The following MYT1L variants were observed in gnomAD, a reference collection of about 807,000 sequenced individuals.
MYT1L encodes myelin transcription factor 1-like protein.
In MYT1L, 12 loss-of-function variants were observed where a neutral mutation model predicts 126.7. That is an observed-to-expected ratio of 0.09 (90% confidence interval 0.06 to 0.15). MYT1L has a LOEUF of 0.15. MYT1L is among the 10% of genes least tolerant of loss of function. The pLI is 1.00. For missense variants in MYT1L, 979 were observed against 1,585.2 expected, an observed-to-expected ratio of 0.62 and a Z score of 6.49; for synonymous variants, 541 against 604.2, an observed-to-expected ratio of 0.90 and a Z score of 1.53.
intron 3 of MYT1L, among the ~76,000 whole-genome samples, chr2:2,128,020 C>T (rs1372269433): frequency 2.0e-5 from 3 of 152,174 alleles, no homozygotes; most frequent in African/African-American, 7.2e-5. Flanking sequence ...TGTGAAATTA[C>T]TTTAAATTGG....
At chr2:2,244,863 C>A (rs935548571) in intron 2 of MYT1L, among the ~76,000 whole-genome samples, 2 of 152,220 alleles carry the variant, frequency 1.3e-5, no homozygotes, top group Non-Finnish European at 2.9e-5. Flanking sequence ...CTCTAGCCAG[C>A]CACATCACCT....
At chr2:2,232,760 G>A (rs745828454) in intron 2 of MYT1L, among the ~76,000 whole-genome samples, 2 of 152,184 alleles carry the variant, frequency 1.3e-5, no homozygotes, top group Non-Finnish European at 2.9e-5. Context: ...AGGCAGTGTG[G>A]AGCAATGATG....
chr2:1,892,282 G>C lies in MYT1L; in HGVS notation c.2038C>G (p.Arg680Gly). The change falls in exon 15 of 25, where the codon CGG becomes GGG. Residue 680 changes from arginine to glycine, a missense_variant. By Grantham distance (125) the Arg-to-Gly change is moderately radical (BLOSUM62 -2). This residue lies in a region of MYT1L where 57 missense variants were observed against 60.3 expected (regional missense o/e 0.94). Transcript: ENST00000647738. Reference protein sequence around the residue: ...ISPKGYDDAKRYCKDPSPSSS... With the variant: ...ISPKGYDDAKGYCKDPSPSSS... ...CTGGGGCTGGGGTCCTTGCAGTACC[G>C]CTTCGCTGGGGAGACAGGGACAGGG... The C allele has an allele frequency of 6.5e-7, 1 of 1,548,218 alleles. No individual in the cohort carries two copies. The highest frequency in any genetic ancestry group is 1.2e-5 in the South Asian group (1 of 83,896).
intron 2 of MYT1L, among the ~76,000 whole-genome samples, chr2:2,236,811 CTTCTTT>C (rs1202680169): frequency 1.5e-3 from 10 of 6,812 alleles, no homozygotes; most frequent in African/African-American, 6.1e-3. Flanking sequence ...TCTTCTTCTT[CTTCTTT>C]TTTTTTTTTT....
chr2:2,104,291 G>A (rs2078470067), intron 3 of MYT1L, among the ~76,000 whole-genome samples: 1 of 152,194 alleles, frequency 6.6e-6, no homozygotes, highest in Non-Finnish European at 1.5e-5. Flanking sequence ...ATTTCACAGA[G>A]GTGTTAATCT....
At chr2:2,191,488 T>A (rs2092587718) in intron 2 of MYT1L, among the ~76,000 whole-genome samples, 1 of 152,152 alleles carries the variant, frequency 6.6e-6, no homozygotes, top group Non-Finnish European at 1.5e-5. Flanking sequence ...AAGCCGCCCA[T>A]CCTCACTGCT....
Position 1,887,393 on chromosome 2 carries a change from CAAA to C in MYT1L, c.2642+92_2642+94del. ...TTATATGCTGCGAATGTCGCATGCT[CAAA>C]CGGCAAGGCATATACAGATCCAGTT... On this transcript the variant is annotated intron_variant, in intron 17 of 24. Transcript: ENST00000647738. The surrounding 1 kb of genome is among the most constrained non-coding windows in gnomAD (Gnocchi z 4.8). 6.5e-7 allele frequency: 1 copy of C among 1,531,184 alleles called. No individual in the cohort carries two copies. Among genetic ancestry groups the C allele is most frequent in the Non-Finnish European group, 9.0e-7 (1 of 1,112,088 alleles). The allele number at this position is 1,531,184 out of a possible 1,614,324, so 94.8% of individuals were successfully genotyped here.
intron 1 of MYT1L, among the ~76,000 whole-genome samples, chr2:2,301,570 T>G (rs551319904): frequency 6.6e-6 from 1 of 152,266 alleles, no homozygotes; most frequent in Non-Finnish European, 1.5e-5. Context: ...TGGCTCATGC[T>G]TGTAGTCTTA....
chr2:1,949,899 T>C (rs1372918160), intron 8 of MYT1L, among the ~76,000 whole-genome samples: 3 of 152,200 alleles, frequency 2.0e-5, no homozygotes, highest in Non-Finnish European at 4.4e-5. Context: ...TTGAATAGCC[T>C]CCATTGGGTC....
At chr2:2,002,786 G>A (rs2062527476) in intron 4 of MYT1L, among the ~76,000 whole-genome samples, 1 of 152,094 alleles carries the variant, frequency 6.6e-6, no homozygotes, top group Non-Finnish European at 1.5e-5. Context: ...ACGGGGGCGG[G>A]GCAGTTTCCC....
At chr2:1,942,451 A>G (rs1484110741) in intron 9 of MYT1L, among the ~76,000 whole-genome samples, 3 of 152,128 alleles carry the variant, frequency 2.0e-5, no homozygotes, top group Non-Finnish European at 4.4e-5. Flanking sequence ...TAGCAATACT[A>G]CTTCCTTTCA....
intron 3 of MYT1L, among the ~76,000 whole-genome samples, chr2:2,142,602 A>G (rs1416291687): frequency 6.6e-6 from 1 of 152,216 alleles, no homozygotes; most frequent in African/African-American, 2.4e-5. Flanking sequence ...ATTTGTGTGC[A>G]GTGAACATTA....
intron 3 of MYT1L, among the ~76,000 whole-genome samples, chr2:2,102,842 A>G (rs765263507): frequency 9.2e-5 from 14 of 152,042 alleles, no homozygotes; most frequent in Non-Finnish European, 2.1e-4. Flanking sequence ...TAGCCAAGAT[A>G]TTGCTCCAGT....
Position 1,801,509 on chromosome 2 carries a change from C to G in MYT1L, c.3276+187G>C. The G allele has an allele frequency of 3.8e-6, 2 of 522,798 alleles. No individual in the cohort carries two copies. Among genetic ancestry groups the G allele is most frequent in the South Asian group, 6.1e-5 (2 of 32,754 alleles). 32.4% of individuals were successfully genotyped at this position (522,798 alleles called of 1,614,324 possible). A position where few individuals can be genotyped will look rare whatever the true frequency, so the allele number is the denominator to read the frequency against. On this transcript the variant is annotated intron_variant, in intron 23 of 24. Transcript: ENST00000647738. This position sits in a 1 kb window ranked among gnomAD's most constrained non-coding sequence, Gnocchi z 4.2. The stretch of plus-strand genomic sequence containing the variant: ...ACTGAAAACGAGAGAACCACGGCCC[C>G]TGCTACAGCGAACACTGCCACGGAA...
chr2:2,323,564 A>G (rs1414442422), intron 1 of MYT1L, among the ~76,000 whole-genome samples: 1 of 152,178 alleles, frequency 6.6e-6, no homozygotes, highest in Non-Finnish European at 1.5e-5. Flanking sequence ...ATATTAAAAC[A>G]CCCATATTGC....
At chr2:1,822,870 G>T (rs564146730) in intron 21 of MYT1L, among the ~76,000 whole-genome samples, 2 of 152,220 alleles carry the variant, frequency 1.3e-5, no homozygotes, top group South Asian at 2.1e-4. Flanking sequence ...AGGAGCAGCT[G>T]CTTGCTGCTG....
At chr2:2,034,299 A>G (rs1249281131) in intron 4 of MYT1L, among the ~76,000 whole-genome samples, 12 of 133,364 alleles carry the variant, frequency 9.0e-5, no homozygotes, top group African/African-American at 3.4e-4. Flanking sequence ...CATAATCTCC[A>G]CCCTCCCAAT....
intron 3 of MYT1L, among the ~76,000 whole-genome samples, chr2:2,062,925 G>A (rs756283): frequency 0.021 from 3,156 of 152,098 alleles, 63 homozygotes; most frequent in South Asian, 0.088. Context: ...AAGGGCCATC[G>A]TCTTCCCTGC....
intron 2 of MYT1L, among the ~76,000 whole-genome samples, chr2:2,211,479 T>C (rs950376437): frequency 9.2e-5 from 14 of 152,144 alleles, no homozygotes; most frequent in African/African-American, 2.9e-4. Flanking sequence ...GAAGCACATG[T>C]CTTTATTACA....
Sources: gnomAD v4.1 joint callset for allele counts (sites outside exome capture counted in the v4.1 genomes callset) on GRCh38, gnomAD v4.1.1 for gene constraint, gnomAD v4.1.1 regional missense constraint, Gnocchi (gnomAD v3.1) non-coding constraint, MANE v1.5 for transcripts, NCBI Gene and HGNC (gene_info 2026-07-23, HGNC 2026-07-21) for gene names.